Variants in GNG7 observed in about 807,000 individuals in gnomAD.
GNG7 encodes G protein subunit gamma 7.
In GNG7, 1 loss-of-function variant was observed where a neutral mutation model predicts 4.0. The observed-to-expected ratio is 0.25, with a 90% CI of 0.09 to 1.18. The LOEUF (loss-of-function observed/expected upper bound fraction) is 1.18, where lower values mean the gene tolerates loss of function less well. Among genes scored for constraint, GNG7 ranks in the 50% most tolerant of loss-of-function variants. The pLI is 0.50. For synonymous variants in GNG7, 34 were observed against 36.9 expected, an observed-to-expected ratio of 0.92 and a Z score of 0.29; for missense variants, 86 against 91.9, an observed-to-expected ratio of 0.94 and a Z score of 0.26.
Position 2,672,737 on chromosome 19 carries a change from C to T in GNG7, c.-134-26457G>A, listed in dbSNP as rs543180762. ...CTGGGATTACAGGTGTGAGCCACCGCGCCTGGTCTGTGACCCCTGATTTTT... is the reference window on the plus strand; with the variant it reads ...CTGGGATTACAGGTGTGAGCCACCGTGCCTGGTCTGTGACCCCTGATTTTT... On this transcript the variant is annotated intron_variant, in intron 1 of 4. Coordinates refer to ENST00000382159, the MANE Select transcript of GNG7 (RefSeq NM_052847.3). 7.9e-5 allele frequency among the ~76,000 whole-genome samples: 12 copies of T among 152,124 alleles called. No individual in the cohort carries two copies. In the South Asian group the frequency reaches 1.2e-3, roughly 16 times the overall value.
chr19:2,629,105 G>A (rs996744621), intron 2 of GNG7, among the ~76,000 whole-genome samples: 5 of 152,178 alleles, frequency 3.3e-5, no homozygotes, highest in East Asian at 1.9e-4. Flanking sequence ...CAAGGAGCAC[G>A]TACTATGCAT....
At chr19:2,576,626 A>G (rs937680959) in intron 2 of GNG7, among the ~76,000 whole-genome samples, 2 of 152,182 alleles carry the variant, frequency 1.3e-5, no homozygotes, top group African/African-American at 4.8e-5. Context: ...AGCTCAATGC[A>G]GCCTCCACCT....
At chr19:2,657,347 AAAAAAAAAAAAAAAATATATATAT>A (rs1291164054) in intron 1 of GNG7, among the ~76,000 whole-genome samples, 4 of 18,696 alleles carry the variant, frequency 2.1e-4, no homozygotes, top group East Asian at 2.8e-3. Context: ...TAAAAAAAAA[AAAAAAAAAAAAAAAATATATATAT>A]ATATATATAT....
intron 1 of GNG7, among the ~76,000 whole-genome samples, chr19:2,669,364 C>A (rs1983392394): frequency 6.6e-6 from 1 of 152,128 alleles, no homozygotes; most frequent in African/African-American, 2.4e-5. Context: ...GTGGTGCATG[C>A]CTGTAATCCC....
chr19:2,518,179 G>A (rs989456796), intron 4 of GNG7, among the ~76,000 whole-genome samples: 4 of 152,118 alleles, frequency 2.6e-5, no homozygotes, highest in South Asian at 2.1e-4. Flanking sequence ...TCTGGTCGCC[G>A]CGTTGGAGCT....
intron 2 of GNG7, among the ~76,000 whole-genome samples, chr19:2,587,902 AAAG>A (rs575092515): frequency 2.6e-4 from 40 of 151,976 alleles, no homozygotes; most frequent in Admixed American, 1.6e-3. Context: ...AAAGAAAAGA[AAAG>A]AAGGAGAGAG....
At position 2,614,739 on chromosome 19, in the gene GNG7, T is replaced by C. The variant is rs2144826286; in HGVS notation, c.-78+31485A>G. On this transcript the variant is annotated intron_variant, in intron 2 of 4. Coordinates refer to ENST00000382159, the MANE Select transcript of GNG7 (RefSeq NM_052847.3). The surrounding 1 kb of genome is among the most constrained non-coding windows in gnomAD (Gnocchi z 6.0). ...CTTTTAGCCATTGTGAATCGTACTG[T>C]ATGAACATTTGTGGCAAGGTTCTAT... Among the ~76,000 whole-genome samples the C allele has an allele frequency of 6.6e-6, 1 of 152,326 alleles. No homozygotes were observed. The highest frequency in any genetic ancestry group is 1.9e-4 in the East Asian group (1 of 5,184).
At chr19:2,631,155 A>G (rs1228623838) in intron 2 of GNG7, among the ~76,000 whole-genome samples, 1 of 152,088 alleles carries the variant, frequency 6.6e-6, no homozygotes, top group African/African-American at 2.4e-5. Flanking sequence ...ACATGCATTA[A>G]CCCCTTGAGA....
chr19:2,686,756 T>TC (rs1983882389), intron 1 of GNG7, among the ~76,000 whole-genome samples: 1 of 148,554 alleles, frequency 6.7e-6, no homozygotes, highest in East Asian at 1.9e-4. Context: ...TTTCTTTCTT[T>TC]TTTTTTTTTT....
chr19:2,639,529 G>A (rs916920564), intron 2 of GNG7, among the ~76,000 whole-genome samples: 1 of 151,984 alleles, frequency 6.6e-6, no homozygotes, highest in African/African-American at 2.4e-5. Context: ...GGTGGGGAAC[G>A]AGCGCTCCAG....
chr19:2,606,662 A>T (rs868476751), intron 2 of GNG7, among the ~76,000 whole-genome samples: 3 of 93,394 alleles, frequency 3.2e-5, no homozygotes, highest in African/African-American at 1.3e-4. Context: ...TCTCAAAAAA[A>T]AATAATTAAT....
chr19:2,688,043 G>A (rs1157705472), intron 1 of GNG7, among the ~76,000 whole-genome samples: 2 of 151,918 alleles, frequency 1.3e-5, no homozygotes, highest in Admixed American at 6.6e-5. Context: ...ACAAGGTCAG[G>A]AGATCGAGAC....
intron 2 of GNG7, among the ~76,000 whole-genome samples, chr19:2,576,391 C>T (rs1005167448): frequency 2.6e-5 from 4 of 152,332 alleles, no homozygotes; most frequent in Middle Eastern, 3.4e-3. Context: ...TAGAGTTCAC[C>T]GTGGTCCCTG....
At chr19:2,572,917 G>A (rs1292399229) in intron 2 of GNG7, among the ~76,000 whole-genome samples, 2 of 151,154 alleles carry the variant, frequency 1.3e-5, no homozygotes, top group Admixed American at 6.6e-5. Flanking sequence ...CTGTTTCATC[G>A]CCTTAAATGG....
chr19:2,552,772 A>G (rs1017804276), intron 3 of GNG7, among the ~76,000 whole-genome samples: 3 of 151,632 alleles, frequency 2.0e-5, no homozygotes, highest in African/African-American at 7.3e-5. Flanking sequence ...ATTATATATT[A>G]CAATGTCATA....
Position 2,617,555 on chromosome 19 carries a change from C to T in GNG7, c.-78+28669G>A, listed in dbSNP as rs557224277. Among the ~76,000 whole-genome samples, 10 of 152,212 alleles carry T rather than the reference C, an allele frequency of 6.6e-5. No individual in the cohort carries two copies. Among genetic ancestry groups the T allele is most frequent in the South Asian group, 4.1e-4 (2 of 4,822 alleles). On this transcript the variant is annotated intron_variant, in intron 2 of 4. Coordinates refer to ENST00000382159, the MANE Select transcript of GNG7 (RefSeq NM_052847.3). The surrounding 1 kb of genome is among the most constrained non-coding windows in gnomAD (Gnocchi z 4.7). ...TCCCCTCCCGTGGCTCCCAGACCTC[C>T]GCTTCCAGGGAGCCCTCCGGAATGT...
At chr19:2,585,062 A>AG (rs1568252992) in intron 2 of GNG7, among the ~76,000 whole-genome samples, 4 of 79,926 alleles carry the variant, frequency 5.0e-5, no homozygotes, top group African/African-American at 1.9e-4. Context: ...GAAGGAAGGA[A>AG]GGAGGGAGGG....
At chr19:2,644,245 T>C (rs1420650186) in intron 2 of GNG7, among the ~76,000 whole-genome samples, 5 of 150,230 alleles carry the variant, frequency 3.3e-5, no homozygotes, top group African/African-American at 1.2e-4. Context: ...AGTCTCAAAC[T>C]CCTGACCTCA....
rs1972659558 is a variant in GNG7, at chr19:2,511,787, T to A, written c.*3235A>T. On this transcript the variant is annotated 3_prime_UTR_variant, in exon 5 of 5. Coordinates refer to ENST00000382159, the MANE Select transcript of GNG7 (RefSeq NM_052847.3). The surrounding 1 kb of genome is among the most constrained non-coding windows in gnomAD (Gnocchi z 6.3). ...TCCGCCCTGGCCCAGCCGCCCCGTT[T>A]ATGTCCCCAGAGGCCAGAGGTCGCA... 6 of 985,720 alleles carry A rather than the reference T, an allele frequency of 6.1e-6. No individual in the cohort carries two copies. Among genetic ancestry groups the A allele is most frequent in the Non-Finnish European group, 7.2e-6 (6 of 829,904 alleles). The allele number at this position is 985,720 out of a possible 1,614,324, so 61.1% of individuals were successfully genotyped here. A position where few individuals can be genotyped will look rare whatever the true frequency, so the allele number is the denominator to read the frequency against.
Sources: allele counts gnomAD v4.1 joint callset (sites outside exome capture counted in the v4.1 genomes callset), GRCh38; gene constraint gnomAD v4.1.1; non-coding constraint Gnocchi (gnomAD v3.1); transcripts MANE v1.5; gene names NCBI Gene and HGNC (gene_info 2026-07-23, HGNC 2026-07-21).